Variants in PRPS1 observed in about 807,000 individuals in gnomAD.
PRPS1 encodes ribose-phosphate pyrophosphokinase 1.
Under a neutral mutation model 16.9 loss-of-function variants are expected in PRPS1, and 1 was observed. That is an observed-to-expected ratio of 0.06 (90% CI 0.02 to 0.28). PRPS1 has a LOEUF of 0.28. Among genes scored for constraint, PRPS1 ranks in the 10% least tolerant of loss-of-function variants. The pLI, the probability that PRPS1 is intolerant of heterozygous loss-of-function variation, is 1.00. For synonymous variants in PRPS1, 70 were observed against 90.2 expected (o/e 0.78, Z 1.27); for missense variants, 47 against 254.0 (o/e 0.19, Z 5.54).
chrX:107,628,816 G>A, intron 1 of PRPS1, 66 bp downstream of exon 1: 1 of 1,200,649 alleles, frequency 8.3e-7, no homozygotes, highest in Non-Finnish European at 1.1e-6. Flanking sequence ...AGGAGGGATG[G>A]GGTCGCCGCT....
At chrX:107,634,671 G>A (rs1397791723) in intron 1 of PRPS1, among the ~76,000 whole-genome samples, 1 of 110,840 alleles carries the variant, frequency 9.0e-6, no homozygotes, top group South Asian at 3.7e-4. Flanking sequence ...AATTTTATGG[G>A]TGAGACCTCT....
In PRPS1 at chrX:107,650,571, G is replaced by C. The variant is rs370453137; in HGVS notation, c.*539G>C. The C allele has an allele frequency of 2.7e-4, 74 of 277,907 alleles. No individual in the cohort carries two copies. Among genetic ancestry groups the C allele is most frequent in the African/African-American group, 8.7e-4 (30 of 34,391 alleles). The allele number at this position is 277,907 out of a possible 1,213,427, so 22.9% of individuals were successfully genotyped here. ...GGGTGGGGGGTGGGGGGTGGTTGAG[G>C]GGGGAGGCAGCACAGTGCAGCAAAT... On this transcript the variant is annotated 3_prime_UTR_variant, in exon 7 of 7. Coordinates refer to ENST00000372435, the MANE Select transcript of PRPS1 (RefSeq NM_002764.4).
At chrX:107,637,431 T>C (rs1925466100) in intron 1 of PRPS1, among the ~76,000 whole-genome samples, 2 of 111,723 alleles carry the variant, frequency 1.8e-5, no homozygotes, top group Non-Finnish European at 3.8e-5. Context: ...AGTGTCATTA[T>C]AGAACAGTAG....
At chrX:107,638,491 A>G (rs1320847097) in intron 1 of PRPS1, among the ~76,000 whole-genome samples, 2 of 111,949 alleles carry the variant, frequency 1.8e-5, no homozygotes, top group African/African-American at 6.5e-5. Context: ...TGATCCGCCC[A>G]CCTCAGCCTC....
chrX:107,641,545 A>T (rs1286968050), intron 3 of PRPS1, among the ~76,000 whole-genome samples: 3 of 110,905 alleles, frequency 2.7e-5, no homozygotes, highest in African/African-American at 9.9e-5. Flanking sequence ...TTTAGTTGAG[A>T]TGGGGTTTCA....
intron 1 of PRPS1, among the ~76,000 whole-genome samples, chrX:107,633,150 C>T (rs1925345531): frequency 9.0e-6 from 1 of 111,175 alleles, no homozygotes; most frequent in Non-Finnish European, 1.9e-5. Context: ...GAGCCGGGTG[C>T]GGTGGCTCAC....
intron 1 of PRPS1, among the ~76,000 whole-genome samples, chrX:107,636,985 G>C (rs1448955442): frequency 8.9e-6 from 1 of 112,186 alleles, no homozygotes; most frequent in East Asian, 2.8e-4. Flanking sequence ...GTTTTCTCTT[G>C]TTCAATAGGT....
At chrX:107,633,541 A>G (rs1237504019) in intron 1 of PRPS1, among the ~76,000 whole-genome samples, 6 of 111,141 alleles carry the variant, frequency 5.4e-5, no homozygotes, top group Non-Finnish European at 1.1e-4. Context: ...CTGATAAGTG[A>G]TTTTTATTTA....
At chrX:107,644,411 T>C (rs1463382315) in intron 4 of PRPS1, among the ~76,000 whole-genome samples, 2 of 111,711 alleles carry the variant, frequency 1.8e-5, no homozygotes, top group South Asian at 3.7e-4. Context: ...TGGATGCTGC[T>C]CCTCTCCTGC....
At chrX:107,633,472 A>G (rs1925357790) in intron 1 of PRPS1, among the ~76,000 whole-genome samples, 2 of 109,038 alleles carry the variant, frequency 1.8e-5, no homozygotes, top group South Asian at 8.0e-4. Context: ...TGAGCTGTTG[A>G]TTGATTATTA....
chrX:107,647,477 TTTTA>T, intron 5 of PRPS1, 125 bp from the exon 6 acceptor site: 1 of 772,045 alleles, frequency 1.3e-6, no homozygotes, highest in Non-Finnish European at 1.9e-6. Context: ...TTATAATATT[TTTTA>T]TTTTTTTATT....
chrX:107,641,036 TG>T, intron 3 of PRPS1, 36 bp downstream of exon 3: 1 of 1,211,295 alleles, frequency 8.3e-7, no homozygotes, highest in Non-Finnish European at 1.1e-6. Context: ...GTTTGAAAGG[TG>T]GGAGGAAAGG....
At position 107,650,133 on chromosome X, in the gene PRPS1, T is replaced by A; in HGVS notation, c.*101T>A. On this transcript the variant is annotated 3_prime_UTR_variant, in exon 7 of 7. Coordinates refer to ENST00000372435, the MANE Select transcript of PRPS1 (RefSeq NM_002764.4). ...CAGCAGAAGACCCGGCTTGCTCCAG[T>A]GTAGCTTTCTACATCCCACATCAGG... 8.4e-7 allele frequency: 1 copy of A among 1,185,272 alleles called. No individual in the cohort carries two copies. Among genetic ancestry groups the A allele is most frequent in the Non-Finnish European group, 1.1e-6 (1 of 879,445 alleles).
rs959735171 is a variant in PRPS1, at chrX:107,649,698, C to T, written c.865-242C>T. On this transcript the variant is annotated intron_variant, in intron 6 of 6. Transcript: ENST00000372435. ...TCTCCAACTCCTGGCCTCAAGTGAT[C>T]TGCCCACCTTGGCCTCCCAAAGTGC... is the stretch of plus-strand genomic sequence containing the variant. Among the ~76,000 whole-genome samples, 7 of 112,042 alleles carry T rather than the reference C, an allele frequency of 6.2e-5. No individual in the cohort carries two copies. The East Asian group carries it at 1.1e-3, about 18-fold the overall frequency.
intron 5 of PRPS1, among the ~76,000 whole-genome samples, chrX:107,645,850 T>A (rs1925680649): frequency 9.0e-6 from 1 of 111,406 alleles, no homozygotes; most frequent in African/African-American, 3.3e-5. Flanking sequence ...TACTTCTTTT[T>A]TTCACTCTAA....
At chrX:107,633,724 T>G (rs1359786735) in intron 1 of PRPS1, among the ~76,000 whole-genome samples, 2 of 110,586 alleles carry the variant, frequency 1.8e-5, no homozygotes, top group South Asian at 7.7e-4. Context: ...GTCAGGAGTT[T>G]GAGACCAGCC....
At chrX:107,631,012 C>T (rs887229314) in intron 1 of PRPS1, among the ~76,000 whole-genome samples, 2 of 111,185 alleles carry the variant, frequency 1.8e-5, no homozygotes, top group African/African-American at 6.5e-5. Flanking sequence ...ATTTAGAACA[C>T]GGAAGGGAGA....
At position 107,650,501 on chromosome X, in the gene PRPS1, G is replaced by A; in HGVS notation, c.*469G>A. The A allele has an allele frequency of 4.0e-6, 1 of 250,333 alleles. No homozygotes were observed. Among genetic ancestry groups the A allele is most frequent in the African/African-American group, 3.0e-5 (1 of 33,142 alleles). 20.6% of individuals were successfully genotyped at this position (250,333 alleles called of 1,213,427 possible). ...CCCCAAACCTAGTCCTGGTAGCTGA[G>A]CACCCTGTAAGGCAGGAGCAGGCAG... On this transcript the variant is annotated 3_prime_UTR_variant, in exon 7 of 7. Transcript: ENST00000372435.
chrX:107,637,949 TA>T (rs1314048720), intron 1 of PRPS1, among the ~76,000 whole-genome samples: 21 of 103,732 alleles, frequency 2.0e-4, no homozygotes, highest in South Asian at 4.2e-4. Flanking sequence ...TATATATATA[TA>T]TTTTTTTGAT....
Sources: gnomAD v4.1 joint callset for allele counts (sites outside exome capture counted in the v4.1 genomes callset) on GRCh38, gnomAD v4.1.1 for gene constraint, MANE v1.5 for transcripts, NCBI Gene and HGNC (gene_info 2026-07-23, HGNC 2026-07-21) for gene names.